The following CNGB3 variants were observed in gnomAD, a reference collection of about 807,000 sequenced individuals.
The protein encoded by CNGB3 is cyclic nucleotide-gated channel beta-3.
Under a neutral mutation model 92.8 loss-of-function variants are expected in CNGB3, and 86 were observed. The observed-to-expected ratio is 0.93, with a 90% confidence interval of 0.78 to 1.11. The LOEUF is 1.11. Among genes scored for constraint, CNGB3 ranks in the 50% least tolerant of loss-of-function variants. CNGB3 has a pLI of 0.00. For synonymous variants in CNGB3, 333 were observed against 332.7 expected, an observed-to-expected ratio of 1.00 and a Z score of -0.01; for missense variants, 1,026 against 956.8, an observed-to-expected ratio of 1.07 and a Z score of -0.95.
rs1346771296 is a variant in CNGB3, at chr8:86,666,931, G to A, written c.846C>T (p.Asp282=). ...QPRLQFVRGG[D]IIVDSNELRK... is the part of the protein sequence containing the mutation. ...TTTCCCGAACCCCACTTACTATTAT[G>A]TCTCCTCCTCTTACAAACTGGAGTC... The change falls in exon 6 of 18, where the codon GAC becomes GAT. Residue 282 remains aspartate (D), a synonymous_variant. Coordinates refer to ENST00000320005, the MANE Select transcript of CNGB3 (RefSeq NM_019098.5). 2 of 1,611,640 alleles carry A rather than the reference G, an allele frequency of 1.2e-6. No individual in the cohort carries two copies. Among genetic ancestry groups the A allele is most frequent in the South Asian group, 1.1e-5 (1 of 90,988 alleles).
chr8:86,694,061 TGGCCGGGCGGGGG>T (rs1824378832), intron 3 of CNGB3, among the ~76,000 whole-genome samples: 1 of 59,340 alleles, frequency 1.7e-5, no homozygotes, highest in Non-Finnish European at 3.2e-5. Flanking sequence ...ACGGGGCGGC[TGGCCGGGCGGGGG>T]GGCTGACCCC....
chr8:86,588,463 T>C (rs1285349694), intron 15 of CNGB3, among the ~76,000 whole-genome samples: 2 of 142,320 alleles, frequency 1.4e-5, no homozygotes, highest in South Asian at 2.3e-4. Flanking sequence ...CAGTATGATA[T>C]TGGCTGTGGG....
intron 3 of CNGB3, among the ~76,000 whole-genome samples, chr8:86,679,875 T>G (rs760431239): frequency 6.6e-6 from 1 of 152,170 alleles, no homozygotes; most frequent in African/African-American, 2.4e-5. Flanking sequence ...GAGCACTTTC[T>G]TTCATCTCAT....
In CNGB3 at chr8:86,672,656, A is replaced by G. The variant is rs556875764; in HGVS notation, c.339-1558T>C. On this transcript the variant is annotated intron_variant, in intron 3 of 17. Coordinates refer to ENST00000320005, the MANE Select transcript of CNGB3 (RefSeq NM_019098.5). The stretch of plus-strand genomic sequence containing the variant: ...CACAGCGCATCTGGGCAACTTGTAG[A>G]TTCCACTTAAGAAAATCTCAGTATT... Among the ~76,000 whole-genome samples the G allele has an allele frequency of 2.0e-5, 3 of 152,240 alleles. No homozygotes were observed. The East Asian group carries it at 5.8e-4, about 29-fold the overall frequency.
intron 3 of CNGB3, among the ~76,000 whole-genome samples, chr8:86,722,386 T>C (rs2131668281): frequency 6.6e-6 from 1 of 152,218 alleles, no homozygotes; most frequent in East Asian, 1.9e-4. Context: ...GTGAACCCTG[T>C]GTCTTTCAGA....
intron 15 of CNGB3, among the ~76,000 whole-genome samples, chr8:86,597,523 C>T (rs12335076): frequency 0.22 from 33,324 of 151,992 alleles, 5,539 homozygotes; most frequent in African/African-American, 0.47. Context: ...CCTCGGAGGT[C>T]CCTATAGTGG....
intron 14 of CNGB3, among the ~76,000 whole-genome samples, chr8:86,608,955 C>T (rs1822465979): frequency 6.6e-6 from 1 of 152,162 alleles, no homozygotes; most frequent in Middle Eastern, 3.2e-3. Flanking sequence ...TCTTCTATCT[C>T]CTAGTCTTGT....
chr8:86,608,436 C>T (rs541691849), intron 14 of CNGB3, among the ~76,000 whole-genome samples: 24 of 152,330 alleles, frequency 1.6e-4, no homozygotes, highest in South Asian at 4.1e-4. Context: ...GAACAACACC[C>T]GCTACTTAGC....
intron 15 of CNGB3, chr8:86,594,627 G>C (rs917507935): frequency 9.5e-6 from 2 of 210,384 alleles, no homozygotes; most frequent in African/African-American, 2.4e-5. Flanking sequence ...GTGTGTCCCT[G>C]ACTGGGACAC....
At chr8:86,640,246 T>C (rs1260382099) in intron 10 of CNGB3, among the ~76,000 whole-genome samples, 1 of 152,094 alleles carries the variant, frequency 6.6e-6, no homozygotes, top group African/African-American at 2.4e-5. Flanking sequence ...ATTGGGTGCA[T>C]ACACATTTAG....
At chr8:86,709,441 G>A (rs1419515036) in intron 3 of CNGB3, among the ~76,000 whole-genome samples, 1 of 152,108 alleles carries the variant, frequency 6.6e-6, no homozygotes, top group African/African-American at 2.4e-5. Flanking sequence ...GTTTCTGTGA[G>A]CCTGCTGCCC....
chr8:86,702,809 AG>A (rs1398243299), intron 3 of CNGB3, among the ~76,000 whole-genome samples: 1 of 151,816 alleles, frequency 6.6e-6, no homozygotes, highest in African/African-American at 2.4e-5. Context: ...TCTCTGTGTA[AG>A]CTTTTAATAT....
chr8:86,622,377 T>C (rs1171168758), intron 13 of CNGB3, among the ~76,000 whole-genome samples: 2 of 27,234 alleles, frequency 7.3e-5, no homozygotes, highest in East Asian at 1.4e-3. Context: ...CCATTCTTCT[T>C]TTTTTTTTTT....
chr8:86,612,674 G>A (rs1228379845), intron 13 of CNGB3, among the ~76,000 whole-genome samples: 2 of 152,198 alleles, frequency 1.3e-5, no homozygotes, highest in Non-Finnish European at 2.9e-5. Context: ...GATAAGGCAA[G>A]CTAATAATTT....
At chr8:86,656,640 C>G (rs1823510538) in intron 6 of CNGB3, among the ~76,000 whole-genome samples, 1 of 152,166 alleles carries the variant, frequency 6.6e-6, no homozygotes, top group Admixed American at 6.5e-5. Flanking sequence ...GCACCTAAAT[C>G]CTTTTCCAAT....
chr8:86,637,535 A>T (rs1374816764), intron 10 of CNGB3, among the ~76,000 whole-genome samples: 1 of 152,108 alleles, frequency 6.6e-6, no homozygotes, highest in African/African-American at 2.4e-5. Flanking sequence ...GAATTTATAG[A>T]TCATTGTGAG....
intron 3 of CNGB3, among the ~76,000 whole-genome samples, chr8:86,693,831 TC>T (rs200810717): frequency 0.19 from 29,247 of 151,646 alleles, 3,315 homozygotes; most frequent in South Asian, 0.3. Flanking sequence ...ATGAAAAGTC[TC>T]CCATGTCTAC....
At chr8:86,684,991 TA>T (rs1052273392) in intron 3 of CNGB3, among the ~76,000 whole-genome samples, 1 of 152,016 alleles carries the variant, frequency 6.6e-6, no homozygotes, top group African/African-American at 2.4e-5. Context: ...TGAGTACAAG[TA>T]AAACTGGAGA....
intron 3 of CNGB3, among the ~76,000 whole-genome samples, chr8:86,715,597 G>A (rs1824837116): frequency 6.6e-6 from 1 of 151,862 alleles, no homozygotes; most frequent in African/African-American, 2.4e-5. Flanking sequence ...CAAATGAGAT[G>A]GAACCAGAAA....
Sources: gnomAD v4.1 joint callset for allele counts (sites outside exome capture counted in the v4.1 genomes callset) on GRCh38, gnomAD v4.1.1 for gene constraint, MANE v1.5 for transcripts, NCBI Gene and HGNC (gene_info 2026-07-23, HGNC 2026-07-21) for gene names.